UNC5C: variants seen among roughly 807,000 people sequenced by gnomAD.
UNC5C encodes netrin receptor UNC5C.
In UNC5C, 47 loss-of-function variants were observed where a neutral mutation model predicts 99.8. The observed-to-expected ratio is 0.47, with a 90% confidence interval of 0.37 to 0.60. The LOEUF (loss-of-function observed/expected upper bound fraction) is 0.60, where lower values mean the gene tolerates loss of function less well. Ranked by LOEUF, UNC5C falls within the 20% of genes least tolerant of loss-of-function variation. The pLI is 0.00. For synonymous variants in UNC5C, 487 were observed against 452.2 expected (o/e 1.08, Z -0.98); for missense variants, 1,062 against 1,165.9 (o/e 0.91, Z 1.30).
In UNC5C at chr4:95,168,789, G is replaced by C. The variant is rs959466714; in HGVS notation, c.*445C>G. 6.4e-6 allele frequency: 1 copy of C among 155,362 alleles called. No individual in the cohort carries two copies. The highest frequency in any genetic ancestry group is 2.4e-5 in the African/African-American group (1 of 41,492). 9.6% of individuals were successfully genotyped at this position (155,362 alleles called of 1,614,324 possible). A position where few individuals can be genotyped will look rare whatever the true frequency, so the allele number is the denominator to read the frequency against. On this transcript the variant is annotated 3_prime_UTR_variant, in exon 16 of 16. Transcript: ENST00000453304. ...AAATAGACACAACAAACCGTCCACAGCTTCAACTTCAAATGATTTGAACAA... is the reference window on the plus strand; with the variant it reads ...AAATAGACACAACAAACCGTCCACACCTTCAACTTCAAATGATTTGAACAA...
intron 1 of UNC5C, among the ~76,000 whole-genome samples, chr4:95,391,573 C>T (rs1745360046): frequency 6.6e-6 from 1 of 151,998 alleles, no homozygotes; most frequent in African/African-American, 2.4e-5. Flanking sequence ...GTATTCTTTC[C>T]TTTTCTTCCA....
At chr4:95,375,551 T>A (rs1744869689) in intron 1 of UNC5C, among the ~76,000 whole-genome samples, 1 of 152,144 alleles carries the variant, frequency 6.6e-6, no homozygotes. Context: ...ATCATACAAT[T>A]AATTTGAGGC....
At chr4:95,229,132 AT>A (rs1354845604) in intron 7 of UNC5C, among the ~76,000 whole-genome samples, 1 of 152,032 alleles carries the variant, frequency 6.6e-6, no homozygotes, top group African/African-American at 2.4e-5. Context: ...AGAAAATTCC[AT>A]TTTTTTTAAT....
intron 1 of UNC5C, among the ~76,000 whole-genome samples, chr4:95,367,304 G>C (rs2149437388): frequency 6.6e-6 from 1 of 151,586 alleles, no homozygotes; most frequent in Admixed American, 6.6e-5. Context: ...AAGTAGTTGG[G>C]ATTATGGGCG....
chr4:95,497,384 G>T (rs542977644), intron 1 of UNC5C, among the ~76,000 whole-genome samples: 2 of 152,070 alleles, frequency 1.3e-5, no homozygotes, highest in South Asian at 4.1e-4. Flanking sequence ...TTTAAGAGCA[G>T]TTAAACTTAT....
chr4:95,446,012 T>C (rs265064), intron 1 of UNC5C, among the ~76,000 whole-genome samples: 141,502 of 152,022 alleles, frequency 0.93, 65,840 homozygotes, highest in Admixed American at 0.95. Flanking sequence ...CGTGGGGGGG[T>C]GGAGTGGTTT....
chr4:95,548,833 C>A lies in UNC5C; in HGVS notation c.25G>T (p.Ala9Ser). 6.2e-7 allele frequency: 1 copy of A among 1,613,300 alleles called. No homozygotes were observed. Among genetic ancestry groups the A allele is most frequent in the Non-Finnish European group, 8.5e-7 (1 of 1,179,934 alleles). Residue 9 changes from alanine to serine, a missense_variant, in exon 1 of 16, where the codon GCG (alanine) becomes TCG (serine). Ala to Ser is a moderately conservative substitution (Grantham distance 99). Transcript: ENST00000453304. ...CCCAGTCCCAGTCCGCAGCGGGCCG[C>A]TGTCGCCCGCAGACCTTTCCTCATC... MRKGLRATAARCGLGLGYL... is the reference protein window; with the variant it reads MRKGLRATSARCGLGLGYL...
intron 5 of UNC5C, chr4:95,247,926 T>C (rs1047379171): frequency 1.3e-5 from 2 of 152,356 alleles, no homozygotes; most frequent in Non-Finnish European, 2.9e-5. Flanking sequence ...ATCAAGTCTT[T>C]CAGGCAGTTT....
At chr4:95,257,260 T>C (rs1740037578) in intron 4 of UNC5C, among the ~76,000 whole-genome samples, 1 of 151,986 alleles carries the variant, frequency 6.6e-6, no homozygotes, top group South Asian at 2.1e-4. Context: ...CAAAAATTAG[T>C]AGAGCATGGG....
intron 1 of UNC5C, among the ~76,000 whole-genome samples, chr4:95,438,093 C>T (rs1746842566): frequency 6.6e-6 from 1 of 151,960 alleles, no homozygotes; most frequent in Non-Finnish European, 1.5e-5. Context: ...ACCATTCTAC[C>T]AGATCAGGAT....
rs934927181 is a variant in UNC5C, at chr4:95,268,007, T to C, written c.594+10252A>G. Among the ~76,000 whole-genome samples the C allele has an allele frequency of 4.2e-5, 6 of 143,036 alleles. No homozygotes were observed. In the South Asian group the frequency reaches 1.1e-3, roughly 26 times the overall value. 93.8% of individuals were successfully genotyped at this position (143,036 alleles called of 152,430 possible). A position where few individuals can be genotyped will look rare whatever the true frequency, so the allele number is the denominator to read the frequency against. Reference sequence around the variant, plus strand: ...CTCTGTAACCCAGGCTGGAGTGCAGTGGCGCGATCTCGGCTCACTGCAAGC... The same window carrying C: ...CTCTGTAACCCAGGCTGGAGTGCAGCGGCGCGATCTCGGCTCACTGCAAGC... On this transcript the variant is annotated intron_variant, in intron 4 of 15. Coordinates refer to ENST00000453304, the MANE Select transcript of UNC5C (RefSeq NM_003728.4).
At chr4:95,299,171 C>T (rs928260053) in intron 3 of UNC5C, among the ~76,000 whole-genome samples, 1 of 152,070 alleles carries the variant, frequency 6.6e-6, no homozygotes, top group South Asian at 2.1e-4. Context: ...TAGGGTGGGC[C>T]CCAACCCAAT....
intron 1 of UNC5C, among the ~76,000 whole-genome samples, chr4:95,540,847 T>C (rs1722900376): frequency 6.6e-6 from 1 of 152,178 alleles, no homozygotes; most frequent in South Asian, 2.1e-4. Flanking sequence ...ACTTGTTTGA[T>C]TTTGATTAGT....
intron 1 of UNC5C, among the ~76,000 whole-genome samples, chr4:95,360,135 C>T (rs371263835): frequency 2.0e-5 from 3 of 152,168 alleles, no homozygotes; most frequent in African/African-American, 4.8e-5. Context: ...TAGGTCTAAA[C>T]GAGAAATATA....
chr4:95,503,757 T>C (rs1721838617), intron 1 of UNC5C, among the ~76,000 whole-genome samples: 1 of 152,144 alleles, frequency 6.6e-6, no homozygotes, highest in Non-Finnish European at 1.5e-5. Context: ...GCCAACTCTT[T>C]AAGAAAAGCA....
chr4:95,407,520 T>C (rs1745863838), intron 1 of UNC5C, among the ~76,000 whole-genome samples: 1 of 152,146 alleles, frequency 6.6e-6, no homozygotes, highest in Non-Finnish European at 1.5e-5. Context: ...CCAGAAGGAT[T>C]GCATCCAAAG....
At chr4:95,477,849 C>A (rs192652248) in intron 1 of UNC5C, among the ~76,000 whole-genome samples, 1 of 152,062 alleles carries the variant, frequency 6.6e-6, no homozygotes, top group Admixed American at 6.6e-5. Flanking sequence ...AGAGGACAGG[C>A]TTTGGAGTTG....
chr4:95,342,520 G>A (rs1412039788), intron 1 of UNC5C, among the ~76,000 whole-genome samples: 3 of 152,042 alleles, frequency 2.0e-5, no homozygotes, highest in African/African-American at 7.2e-5. Flanking sequence ...TATCCAGGCG[G>A]TACATGCTGT....
At chr4:95,499,902 G>A (rs1721735335) in intron 1 of UNC5C, among the ~76,000 whole-genome samples, 1 of 152,010 alleles carries the variant, frequency 6.6e-6, no homozygotes, top group Non-Finnish European at 1.5e-5. Flanking sequence ...CTGTGTTTCA[G>A]GGAGGTTAAC....
Sources: gnomAD v4.1 joint callset for allele counts (sites outside exome capture counted in the v4.1 genomes callset) on GRCh38, gnomAD v4.1.1 for gene constraint, MANE v1.5 for transcripts, NCBI Gene and HGNC (gene_info 2026-07-23, HGNC 2026-07-21) for gene names.